The following KCNQ2 variants were observed in gnomAD, a reference collection of about 807,000 sequenced individuals.
KCNQ2 encodes potassium voltage-gated channel subfamily KQT member 2.
A neutral mutation model predicts 84.8 loss-of-function variants in KCNQ2; 14 were observed. That is an observed-to-expected ratio of 0.17 (90% confidence interval 0.11 to 0.26). The LOEUF is 0.26. KCNQ2 is among the 10% of genes least tolerant of loss of function. KCNQ2 has a pLI of 1.00. For synonymous variants in KCNQ2, 599 were observed against 554.1 expected, an observed-to-expected ratio of 1.08 and a Z score of -1.14; for missense variants, 788 against 1,254.0, an observed-to-expected ratio of 0.63 and a Z score of 5.61.
At chr20:63,431,627 G>A (rs1236157367) in intron 8 of KCNQ2, among the ~76,000 whole-genome samples, 1 of 152,074 alleles carries the variant, frequency 6.6e-6, no homozygotes. Context: ...GGTGCAGGGG[G>A]GATGGTGCTG....
rs368562766 is a variant in KCNQ2, at chr20:63,413,111, C to T, written c.1763+339G>A. ...GTGCATACATGGCAGAGCAGAGCCA[C>T]ACGTGCATACAACCACACACATACA... On this transcript the variant is annotated intron_variant, in intron 15 of 16. Coordinates refer to ENST00000359125, the MANE Select transcript of KCNQ2 (RefSeq NM_172107.4). Among the ~76,000 whole-genome samples, 38 of 152,274 alleles carry T rather than the reference C, an allele frequency of 2.5e-4. No individual in the cohort carries two copies. In the East Asian group the frequency reaches 3.9e-3, roughly 16 times the overall value.
At chr20:63,430,457 G>C (rs1387724089) in intron 9 of KCNQ2, among the ~76,000 whole-genome samples, 1 of 152,336 alleles carries the variant, frequency 6.6e-6, no homozygotes, top group African/African-American at 2.4e-5. Flanking sequence ...AGGGCAGCCA[G>C]GTCTCTCCTC....
Position 63,408,176 on chromosome 20 carries a change from G to T in KCNQ2, c.1887+237C>A. On this transcript the variant is annotated intron_variant, in intron 16 of 16. Coordinates refer to ENST00000359125, the MANE Select transcript of KCNQ2 (RefSeq NM_172107.4). The surrounding 1 kb of genome is among the most constrained non-coding windows in gnomAD (Gnocchi z 5.0). ...TCAGCAGCCCCCACCCAGGACTCCT[G>T]GGGACTTTGGCCCTTGGGTACTGTC... is the stretch of plus-strand genomic sequence containing the variant. 1.8e-6 allele frequency: 1 copy of T among 548,854 alleles called. No individual in the cohort carries two copies. Among genetic ancestry groups the T allele is most frequent in the Non-Finnish European group, 3.3e-6 (1 of 304,612 alleles). 34.0% of individuals were successfully genotyped at this position (548,854 alleles called of 1,614,324 possible).
chr20:63,472,607 G>A lies in KCNQ2; in HGVS notation c.-144C>T. On this transcript the variant is annotated 5_prime_UTR_variant, in exon 1 of 17. Coordinates refer to ENST00000359125, the MANE Select transcript of KCNQ2 (RefSeq NM_172107.4). ...TCCGCACTCCTGCCGGGCTTGGGCCGCGCGCGGAGACGCTGCGGCCACCTC... is the reference window on the plus strand; with the variant it reads ...TCCGCACTCCTGCCGGGCTTGGGCCACGCGCGGAGACGCTGCGGCCACCTC... The A allele has an allele frequency of 3.3e-6, 2 of 597,768 alleles. No individual in the cohort carries two copies. Among genetic ancestry groups the A allele is most frequent in the South Asian group, 7.7e-5 (1 of 13,022 alleles). The allele number at this position is 597,768 out of a possible 1,614,324, so 37.0% of individuals were successfully genotyped here.
At chr20:63,424,540 A>C in intron 10 of KCNQ2, 1 of 344,012 alleles carries the variant, frequency 2.9e-6, no homozygotes, top group South Asian at 7.9e-5. Flanking sequence ...AAGTTCCAAA[A>C]AGCACGTGTT....
intron 1 of KCNQ2, among the ~76,000 whole-genome samples, chr20:63,465,218 T>C (rs1052173706): frequency 6.6e-6 from 1 of 152,172 alleles, no homozygotes; most frequent in Non-Finnish European, 1.5e-5. Context: ...GCACGACCCA[T>C]CCCAGCTTCA....
intron 11 of KCNQ2, chr20:63,422,820 G>C (rs956055453): frequency 6.6e-6 from 1 of 152,306 alleles, no homozygotes; most frequent in Non-Finnish European, 1.5e-5. Context: ...CAGCGAGCAC[G>C]AGGGGCCGTG....
chr20:63,464,874 C>A (rs1393140564), intron 1 of KCNQ2, among the ~76,000 whole-genome samples: 2 of 152,248 alleles, frequency 1.3e-5, no homozygotes, highest in Non-Finnish European at 2.9e-5. Flanking sequence ...GGGCGTCTCC[C>A]CCACGCACCC....
At chr20:63,459,536 A>G (rs1387696632) in intron 1 of KCNQ2, 2 of 152,182 alleles carry the variant, frequency 1.3e-5, no homozygotes, top group East Asian at 1.9e-4. Context: ...ATAAAATAAA[A>G]TAACAGGCAC....
intron 1 of KCNQ2, among the ~76,000 whole-genome samples, chr20:63,454,914 A>C (rs1053223888): frequency 6.6e-6 from 1 of 152,074 alleles, no homozygotes; most frequent in South Asian, 2.1e-4. Flanking sequence ...GGCCATCACC[A>C]CCTCAGACCC....
At chr20:63,427,383 C>T (rs1006160038) in intron 10 of KCNQ2, among the ~76,000 whole-genome samples, 3 of 152,248 alleles carry the variant, frequency 2.0e-5, no homozygotes, top group South Asian at 4.1e-4. Flanking sequence ...GTCACACCCG[C>T]GCTTGTAGGC....
chr20:63,443,394 TCACCATCACCACCATCACCATCAC>T (rs2081308887), intron 4 of KCNQ2, among the ~76,000 whole-genome samples: 1 of 5,292 alleles, frequency 1.9e-4, no homozygotes, highest in Non-Finnish European at 4.2e-4. Context: ...ACCACCACCA[TCACCATCACCACCATCACCATCAC>T]CACCATCATC....
chr20:63,436,922 G>A (rs918307175), intron 7 of KCNQ2, among the ~76,000 whole-genome samples: 7 of 151,956 alleles, frequency 4.6e-5, no homozygotes, highest in Non-Finnish European at 8.8e-5. Context: ...GATTACAGGC[G>A]TGTGCCACCA....
chr20:63,449,833 G>A lies in KCNQ2; in HGVS notation c.297-2996C>T, dbSNP rs111323600. Reference sequence around the variant, plus strand: ...GGCCAGGCCATCCGGGCACAAACCCGGGGCCCCCATCACCCCAGGCTCAGG... The same window carrying A: ...GGCCAGGCCATCCGGGCACAAACCCAGGGCCCCCATCACCCCAGGCTCAGG... On this transcript the variant is annotated intron_variant, in intron 1 of 16. Coordinates refer to ENST00000359125, the MANE Select transcript of KCNQ2 (RefSeq NM_172107.4). 4.7e-3 allele frequency among the ~76,000 whole-genome samples: 710 copies of A among 151,910 alleles called. 8 individuals carry two copies. The highest frequency in any genetic ancestry group is 0.015 in the African/African-American group (624 of 41,496).
chr20:63,444,205 CT>C (rs2081346262), intron 4 of KCNQ2, among the ~76,000 whole-genome samples: 1 of 152,238 alleles, frequency 6.6e-6, no homozygotes, highest in African/African-American at 2.4e-5. Flanking sequence ...CCTGGGGCCC[CT>C]GGAACTCAGC....
Position 63,472,566 on chromosome 20 carries a change from T to C in KCNQ2, c.-103A>G, listed in dbSNP as rs1467147306. 9.6e-7 allele frequency: 1 copy of C among 1,045,596 alleles called. No individual in the cohort carries two copies. The highest frequency in any genetic ancestry group is 3.7e-5 in the East Asian group (1 of 26,842). 64.8% of individuals were successfully genotyped at this position (1,045,596 alleles called of 1,614,324 possible). A position where few individuals can be genotyped will look rare whatever the true frequency, so the allele number is the denominator to read the frequency against. On this transcript the variant is annotated 5_prime_UTR_variant, in exon 1 of 17. An upstream start codon of the reference 5' UTR is lost. Coordinates refer to ENST00000359125, the MANE Select transcript of KCNQ2 (RefSeq NM_172107.4). The stretch of plus-strand genomic sequence containing the variant: ...CCAGGCCCCCCGGCCGGGAGCCGCA[T>C]GGCCGAGGCGGCGGTTCCGCACTCC...
Position 63,406,806 on chromosome 20 carries a change from G to T in KCNQ2, c.2457C>A (p.Ser819Arg). 6.2e-7 allele frequency: 1 copy of T among 1,612,646 alleles called. No homozygotes were observed. Among genetic ancestry groups the T allele is most frequent in the Non-Finnish European group, 8.5e-7 (1 of 1,179,864 alleles). The change falls in exon 17 of 17, where the codon AGC (serine) becomes AGA (arginine). Residue 819 changes from serine (S) to arginine (R), a missense_variant. Physicochemically the swap from Ser to Arg is moderately radical, Grantham distance 110. This residue lies in a region of KCNQ2 where 378 missense variants were observed against 434.5 expected (regional missense o/e 0.87). Transcript: ENST00000359125. ...QSKENLDALN[S>R]CYAAVAPCAK... The stretch of plus-strand genomic sequence containing the variant: ...CACAAGGCGCCACGGCCGCGTAGCA[G>T]CTGTTGAGAGCATCCAGGTTCTCCT...
In KCNQ2 at chr20:63,444,998, G is replaced by A. The variant is rs77332976; in HGVS notation, c.515-164C>T. On this transcript the variant is annotated intron_variant, in intron 3 of 16. Coordinates refer to ENST00000359125, the MANE Select transcript of KCNQ2 (RefSeq NM_172107.4). Reference sequence around the variant, plus strand: ...AGGCCCCAGGAAGGACATTACTATCGTCCACCCTGCCTGTGGGGCCCAGGA... The same window carrying A: ...AGGCCCCAGGAAGGACATTACTATCATCCACCCTGCCTGTGGGGCCCAGGA... 0.069 allele frequency among the ~76,000 whole-genome samples: 10,526 copies of A among 152,248 alleles called. 869 individuals carry two copies. Among genetic ancestry groups the A allele is most frequent in the East Asian group, 0.45 (2,304 of 5,150 alleles).
chr20:63,430,323 G>A (rs938990288), intron 9 of KCNQ2, among the ~76,000 whole-genome samples: 2 of 152,088 alleles, frequency 1.3e-5, no homozygotes, highest in African/African-American at 4.8e-5. Flanking sequence ...GGCCTCTGCA[G>A]ACATTGGAGA....
Sources: gnomAD v4.1 joint callset for allele counts (sites outside exome capture counted in the v4.1 genomes callset) on GRCh38, gnomAD v4.1.1 for gene constraint, gnomAD v4.1.1 regional missense constraint, Gnocchi (gnomAD v3.1) non-coding constraint, MANE v1.5 for transcripts, NCBI Gene and HGNC (gene_info 2026-07-23, HGNC 2026-07-21) for gene names.